Variants in SLC9A1 observed in about 807,000 individuals in gnomAD.
SLC9A1 encodes the protein sodium/hydrogen exchanger 1.
SLC9A1 carries 22 observed loss-of-function variants against 67.9 expected under a neutral mutation model. The ratio of observed to expected loss-of-function variants is 0.32; its 90% confidence interval spans 0.23 to 0.46. The LOEUF (loss-of-function observed/expected upper bound fraction) is 0.46, where lower values mean the gene tolerates loss of function less well. SLC9A1 is among the 20% of genes least tolerant of loss of function. The pLI is 1.00. For synonymous variants in SLC9A1, 421 were observed against 471.8 expected, an observed-to-expected ratio of 0.89 and a Z score of 1.40; for missense variants, 686 against 1,094.8, an observed-to-expected ratio of 0.63 and a Z score of 5.27.
In SLC9A1 at chr1:27,114,327, G is replaced by A; in HGVS notation, c.353-41C>T. 1 of 1,532,668 alleles carries A rather than the reference G, an allele frequency of 6.5e-7. No homozygotes were observed. Among genetic ancestry groups the A allele is most frequent in the Admixed American group, 1.8e-5 (1 of 56,488 alleles). 94.9% of individuals were successfully genotyped at this position (1,532,668 alleles called of 1,614,324 possible). A position where few individuals can be genotyped will look rare whatever the true frequency, so the allele number is the denominator to read the frequency against. On this transcript the variant is annotated intron_variant, in intron 1 of 11. Coordinates refer to ENST00000263980, the MANE Select transcript of SLC9A1 (RefSeq NM_003047.5). The surrounding 1 kb of genome is among the most constrained non-coding windows in gnomAD (Gnocchi z 5.4). ...GAACGGGAGGCCATGGGCTTTCGGA[G>A]GAGCCAGGAGAATAGAAGGTTGGGG...
chr1:27,121,214 T>C (rs573185610), intron 1 of SLC9A1, among the ~76,000 whole-genome samples: 32 of 152,254 alleles, frequency 2.1e-4, no homozygotes, highest in African/African-American at 6.0e-4. Context: ...GGTCCTACTA[T>C]GTTGGAGAGA....
intron 1 of SLC9A1, among the ~76,000 whole-genome samples, chr1:27,138,028 GC>G (rs2124197204): frequency 6.6e-6 from 1 of 152,308 alleles, no homozygotes; most frequent in Non-Finnish European, 1.5e-5. Flanking sequence ...ACTGAGTGGG[GC>G]CAGCCCAGGG....
chr1:27,117,901 G>T (rs563719498), intron 1 of SLC9A1, among the ~76,000 whole-genome samples: 1 of 152,328 alleles, frequency 6.6e-6, no homozygotes, highest in African/African-American at 2.4e-5. Context: ...GAACATTGAG[G>T]TGACTCAGAC....
intron 1 of SLC9A1, among the ~76,000 whole-genome samples, chr1:27,149,939 C>G (rs2083515604): frequency 6.6e-6 from 1 of 152,198 alleles, no homozygotes; most frequent in Non-Finnish European, 1.5e-5. Context: ...CTTGGCACTC[C>G]TAGAGACACA....
At chr1:27,123,166 G>A (rs1027447062) in intron 1 of SLC9A1, among the ~76,000 whole-genome samples, 2 of 152,120 alleles carry the variant, frequency 1.3e-5, no homozygotes, top group Non-Finnish European at 2.9e-5. Context: ...TTGCTTTGGT[G>A]ATTTTAAATA....
chr1:27,101,858 G>T lies in SLC9A1; in HGVS notation c.1936-32C>A. On this transcript the variant is annotated intron_variant, in intron 9 of 11. Coordinates refer to ENST00000263980, the MANE Select transcript of SLC9A1 (RefSeq NM_003047.5). This position sits in a 1 kb window ranked among gnomAD's most constrained non-coding sequence, Gnocchi z 4.9. ...GAGGGACAGCGTCAGGGCAGTGCGG[G>T]CCCCGGAAGGCTCTGCTCATGGAGG... 6.5e-7 allele frequency: 1 copy of T among 1,542,214 alleles called. No individual in the cohort carries two copies. Among genetic ancestry groups the T allele is most frequent in the Non-Finnish European group, 8.9e-7 (1 of 1,118,070 alleles).
intron 1 of SLC9A1, among the ~76,000 whole-genome samples, chr1:27,120,630 C>T (rs1209139491): frequency 6.6e-6 from 1 of 151,824 alleles, no homozygotes; most frequent in African/African-American, 2.4e-5. Flanking sequence ...CACAGCTACT[C>T]AGGAGGCTGA....
At chr1:27,102,256 C>A in intron 8 of SLC9A1, 126 bp from the exon 9 acceptor site, 1 of 1,339,446 alleles carries the variant, frequency 7.5e-7, no homozygotes, top group Non-Finnish European at 1.1e-6. Context: ...GTCCTTGGTG[C>A]GAGCCCACAG....
Position 27,107,853 on chromosome 1 carries a change from T to C in SLC9A1, c.1077A>G (p.Ser359=), listed in dbSNP as rs937916172. The C allele has an allele frequency of 2.5e-6, 4 of 1,599,972 alleles. No individual in the cohort carries two copies. The Middle Eastern group carries it at 5.0e-4, about 199-fold the overall frequency. Residue 359 remains serine, a synonymous_variant, in exon 4 of 12, where the codon TCA becomes TCG. Transcript: ENST00000263980. ...CCACATAGGGGCGCATCACCACTCC[T>C]GAGGCTATGAGCCTGGAGCAGGAAA... The part of the protein sequence containing the change: ...HLSGIMALIA[S]GVVMRPYVEA...
chr1:27,121,703 C>T (rs531623938), intron 1 of SLC9A1, among the ~76,000 whole-genome samples: 15 of 152,318 alleles, frequency 9.8e-5, no homozygotes, highest in Admixed American at 3.3e-4. Flanking sequence ...TCTCTCCTTC[C>T]TTTCTCCTCT....
rs1364623145 is a variant in SLC9A1, at chr1:27,118,023, G to T, written c.353-3737C>A. Among the ~76,000 whole-genome samples, 1 of 152,140 alleles carries T rather than the reference G, an allele frequency of 6.6e-6. No homozygotes were observed. ...TTCCTATTGAACACAAGAAAAACGA[G>T]CTCTGAGAGGAGGCTGCATGCACTC... On this transcript the variant is annotated intron_variant, in intron 1 of 11. Coordinates refer to ENST00000263980, the MANE Select transcript of SLC9A1 (RefSeq NM_003047.5). This position sits in a 1 kb window ranked among gnomAD's most constrained non-coding sequence, Gnocchi z 4.3.
At chr1:27,125,237 CTTTTTTT>C (rs71010327) in intron 1 of SLC9A1, among the ~76,000 whole-genome samples, 11 of 86,886 alleles carry the variant, frequency 1.3e-4, no homozygotes, top group Admixed American at 1.9e-4. Context: ...CCTTTTCTTT[CTTTTTTT>C]TTTTTTTTTT....
intron 5 of SLC9A1, among the ~76,000 whole-genome samples, chr1:27,104,721 CA>C (rs2083172576): frequency 6.6e-6 from 1 of 152,170 alleles, no homozygotes; most frequent in Non-Finnish European, 1.5e-5. Context: ...AAAATAAGCC[CA>C]GCCCCAGGTT....
Position 27,101,777 on chromosome 1 carries a change from G to C in SLC9A1, c.1985C>G (p.Ala662Gly). Residue 662 changes from alanine to glycine, a missense_variant, in exon 10 of 12, where the codon GCC becomes GGC. By Grantham distance (60) the Ala-to-Gly change is moderately conservative (BLOSUM62 0). Transcript: ENST00000263980. This position sits in a 1 kb window ranked among gnomAD's most constrained non-coding sequence, Gnocchi z 4.9. Reference sequence around the variant, plus strand: ...CCTCCGGAGCAGCATCTGGTTCCAGGCTTCCTCGTAGGGGTCTGCCACCAG... The same window carrying C: ...CCTCCGGAGCAGCATCTGGTTCCAGCCTTCCTCGTAGGGGTCTGCCACCAG... ...HTLVADPYEE[A>G]WNQMLLRRQK... The C allele has an allele frequency of 1.2e-6, 2 of 1,613,152 alleles. No individual in the cohort carries two copies. The highest frequency in any genetic ancestry group is 1.7e-6 in the Non-Finnish European group (2 of 1,179,938).
intron 1 of SLC9A1, among the ~76,000 whole-genome samples, chr1:27,124,056 G>C (rs953619923): frequency 3.9e-5 from 6 of 152,064 alleles, no homozygotes; most frequent in Non-Finnish European, 5.9e-5. Flanking sequence ...TGGCTCCCCA[G>C]CTCAGGTGCT....
chr1:27,116,338 T>C (rs1397533282), intron 1 of SLC9A1, among the ~76,000 whole-genome samples: 1 of 151,486 alleles, frequency 6.6e-6, no homozygotes, highest in Non-Finnish European at 1.5e-5. Context: ...CCAGCCAAGA[T>C]CACTCCACTG....
In SLC9A1 at chr1:27,102,223, C is replaced by G. The variant is rs377725608; in HGVS notation, c.1821-93G>C. The G allele has an allele frequency of 2.9e-5, 39 of 1,351,046 alleles. 1 individual carries two copies. In the East Asian group the frequency reaches 3.0e-4, roughly 10 times the overall value. The allele number at this position is 1,351,046 out of a possible 1,614,324, so 83.7% of individuals were successfully genotyped here. A position where few individuals can be genotyped will look rare whatever the true frequency, so the allele number is the denominator to read the frequency against. The stretch of plus-strand genomic sequence containing the variant: ...AGAAGGAAGTCACCCTAGGGATGAC[C>G]CAGGTGGGCGCCAAAGCCTCAGGTC... On this transcript the variant is annotated intron_variant, in intron 8 of 11. Transcript: ENST00000263980.
intron 1 of SLC9A1, among the ~76,000 whole-genome samples, chr1:27,150,740 G>A (rs765168135): frequency 1.3e-5 from 2 of 152,128 alleles, no homozygotes; most frequent in Non-Finnish European, 2.9e-5. Context: ...GAACCCAGAA[G>A]CAACTATTCT....
chr1:27,149,389 T>G (rs577452484), intron 1 of SLC9A1, among the ~76,000 whole-genome samples: 2 of 152,232 alleles, frequency 1.3e-5, no homozygotes, highest in Non-Finnish European at 2.9e-5. Flanking sequence ...TCTCATGTGA[T>G]TTGAGTAGGG....
Sources: allele counts gnomAD v4.1 joint callset (sites outside exome capture counted in the v4.1 genomes callset), GRCh38; gene constraint gnomAD v4.1.1; non-coding constraint Gnocchi (gnomAD v3.1); transcripts MANE v1.5; gene names NCBI Gene and HGNC (gene_info 2026-07-23, HGNC 2026-07-21).